Variants in DENND4A observed in about 807,000 individuals in gnomAD.
DENND4A encodes the protein C-myc promoter-binding protein.
In DENND4A, 70 loss-of-function variants were observed where a neutral mutation model predicts 199.3. That is an observed-to-expected ratio of 0.35 (90% CI 0.29 to 0.43). The LOEUF is 0.43. DENND4A is among the 20% of genes least tolerant of loss of function. The probability of loss-of-function intolerance (pLI) is 1.00; values close to 1 mark genes in which losing one functional copy is unlikely to be tolerated. For synonymous variants in DENND4A, 686 were observed against 766.9 expected (o/e 0.89, Z 1.74); for missense variants, 1,723 against 2,255.8 (o/e 0.76, Z 4.78).
chr15:65,718,699 C>T (rs1373468784), intron 12 of DENND4A, among the ~76,000 whole-genome samples: 1 of 144,394 alleles, frequency 6.9e-6, no homozygotes. Context: ...TAAACTAGTA[C>T]ATTTGAAAAT....
At chr15:65,726,592 C>T (rs1269559678) in intron 11 of DENND4A, among the ~76,000 whole-genome samples, 1 of 152,080 alleles carries the variant, frequency 6.6e-6, no homozygotes, top group Non-Finnish European at 1.5e-5. Context: ...TAACAGAATA[C>T]TCATTTTCTG....
intron 4 of DENND4A, among the ~76,000 whole-genome samples, chr15:65,743,415 T>G (rs1259064283): frequency 6.6e-6 from 1 of 152,218 alleles, no homozygotes; most frequent in Non-Finnish European, 1.5e-5. Context: ...ATTCTTTGCC[T>G]GTGATATCTG....
At position 65,752,640 on chromosome 15, in the gene DENND4A, T is replaced by G; in HGVS notation, c.312-12A>C. The stretch of plus-strand genomic sequence containing the variant: ...AGTCATATAAAACCCTAAAAATAAA[T>G]TTTTAAAAATAAATACACAAAGCAC... On this transcript the variant is annotated splice_polypyrimidine_tract_variant and intron_variant, in intron 3 of 32. Coordinates refer to ENST00000443035, the MANE Select transcript of DENND4A (RefSeq NM_001320835.1). 4 of 1,447,784 alleles carry G rather than the reference T, an allele frequency of 2.8e-6. No homozygotes were observed. The highest frequency in any genetic ancestry group is 1.9e-4 in the Middle Eastern group (1 of 5,290). 89.7% of individuals were successfully genotyped at this position (1,447,784 alleles called of 1,614,324 possible). A position where few individuals can be genotyped will look rare whatever the true frequency, so the allele number is the denominator to read the frequency against.
chr15:65,665,837 A>G (rs2076018028), intron 29 of DENND4A, among the ~76,000 whole-genome samples: 1 of 152,242 alleles, frequency 6.6e-6, no homozygotes, highest in African/African-American at 2.4e-5. Flanking sequence ...TGTATGATGT[A>G]CTGAAAATCC....
At chr15:65,667,750 A>G in intron 28 of DENND4A, 47 bp from the exon 29 acceptor site, 2 of 1,559,328 alleles carry the variant, frequency 1.3e-6, no homozygotes, top group Non-Finnish European at 1.7e-6. Context: ...AAATAATACT[A>G]AGCCATTAAA....
chr15:65,741,386 TCTTACTAAATTTAAGTATTAAAGAAA>T (rs2076257608), intron 5 of DENND4A, among the ~76,000 whole-genome samples: 1 of 152,222 alleles, frequency 6.6e-6, no homozygotes, highest in Non-Finnish European at 1.5e-5. Flanking sequence ...GAACTACAGC[TCTTACTAAATTTAAGTATTAAAGAAA>T]TATTAATTTA....
chr15:65,674,404 G>C (rs2076308299), intron 24 of DENND4A, among the ~76,000 whole-genome samples: 2 of 152,212 alleles, frequency 1.3e-5, no homozygotes, highest in Non-Finnish European at 2.9e-5. Flanking sequence ...TAGATGCTAT[G>C]AATGTTGTTT....
chr15:65,665,820 T>A (rs1275895078), intron 29 of DENND4A, among the ~76,000 whole-genome samples: 1 of 152,178 alleles, frequency 6.6e-6, no homozygotes, highest in Non-Finnish European at 1.5e-5. Flanking sequence ...CACATCTTTG[T>A]CACTCATGTA....
intron 23 of DENND4A, among the ~76,000 whole-genome samples, chr15:65,678,746 G>A (rs1254184470): frequency 6.6e-6 from 1 of 152,190 alleles, no homozygotes; most frequent in African/African-American, 2.4e-5. Flanking sequence ...CTGGAGTGCA[G>A]TGATGTGATC....
intron 12 of DENND4A, among the ~76,000 whole-genome samples, chr15:65,720,950 TA>T (rs1567043856): frequency 0.03 from 924 of 30,338 alleles, 42 homozygotes; most frequent in Middle Eastern, 0.071. Flanking sequence ...TCATTGATTA[TA>T]TATATATATA....
intron 3 of DENND4A, among the ~76,000 whole-genome samples, chr15:65,753,295 G>A (rs1250164609): frequency 6.6e-6 from 1 of 152,020 alleles, no homozygotes; most frequent in Non-Finnish European, 1.5e-5. Flanking sequence ...TAAATTCATT[G>A]ATTTGTACTT....
chr15:65,671,710 C>G (rs953976517), intron 25 of DENND4A, 82 bp downstream of exon 25: 1 of 1,013,378 alleles, frequency 9.9e-7, no homozygotes, highest in African/African-American at 1.6e-5. Flanking sequence ...ACTTCTATTA[C>G]TCTACCTGGG....
chr15:65,723,406 T>G (rs1184747803), intron 11 of DENND4A, among the ~76,000 whole-genome samples: 4 of 152,186 alleles, frequency 2.6e-5, no homozygotes, highest in African/African-American at 7.2e-5. Context: ...TCGGTATATT[T>G]AAATACTTAG....
At chr15:65,675,887 T>C (rs574072249) in intron 24 of DENND4A, among the ~76,000 whole-genome samples, 2 of 152,194 alleles carry the variant, frequency 1.3e-5, no homozygotes, top group South Asian at 2.1e-4. Context: ...ATATAACATA[T>C]ATGCATTATA....
intron 12 of DENND4A, among the ~76,000 whole-genome samples, chr15:65,720,472 C>A (rs2075579855): frequency 6.7e-6 from 1 of 149,522 alleles, no homozygotes; most frequent in South Asian, 2.1e-4. Context: ...AGTGCAGTGG[C>A]ACAATCTTGG....
rs1319700343 is a variant in DENND4A at position 65,690,464 on chromosome 15, T to C, written c.4130A>G (p.Lys1377Arg). The C allele has an allele frequency of 6.2e-7, 1 of 1,606,638 alleles. No homozygotes were observed. Among genetic ancestry groups the C allele is most frequent in the Non-Finnish European group, 8.5e-7 (1 of 1,176,418 alleles). The change falls in exon 23 of 33, where the codon AAA becomes AGA. Residue 1377 changes from lysine (K) to arginine (R), a missense_variant. Coordinates refer to ENST00000443035, the MANE Select transcript of DENND4A (RefSeq NM_001320835.1). ...MFTAGKGVAEKASKWYSRFTM... is the reference protein window; with the variant it reads ...MFTAGKGVAERASKWYSRFTM... The stretch of plus-strand genomic sequence containing the variant: ...GAATCTTGAATACCATTTGCTTGCT[T>C]TCTCTGCAACTCCTTTTCCAGCAGT...
chr15:65,691,129 C>T lies in DENND4A; in HGVS notation c.3465G>A (p.Leu1155=). 3 of 1,613,228 alleles carry T rather than the reference C, an allele frequency of 1.9e-6. No individual in the cohort carries two copies. Residue 1155 remains leucine, a synonymous_variant, in exon 23 of 33, where the codon TTG becomes TTA. Transcript: ENST00000443035. ...DDTPFDGSNY[L]ADKVDSPVIF... ...TAACAGGAGAATCCACTTTATCTGC[C>T]AAATAGTTAGAACCATCAAAAGGTG...
intron 18 of DENND4A, 73 bp downstream of exon 18, chr15:65,701,689 T>C (rs759927667): frequency 1.1e-5 from 15 of 1,412,242 alleles, no homozygotes; most frequent in Non-Finnish European, 1.4e-5. Flanking sequence ...ACCCCCTGCA[T>C]AAATTATTTC....
intron 15 of DENND4A, among the ~76,000 whole-genome samples, chr15:65,704,395 T>C (rs908240345): frequency 3.3e-5 from 5 of 152,188 alleles, no homozygotes; most frequent in Non-Finnish European, 7.3e-5. Context: ...TATTTTTTGA[T>C]TTATGTCTGT....
Sources: allele counts gnomAD v4.1 joint callset (sites outside exome capture counted in the v4.1 genomes callset), GRCh38; gene constraint gnomAD v4.1.1; transcripts MANE v1.5; gene names NCBI Gene and HGNC (gene_info 2026-07-23, HGNC 2026-07-21).